CCND3: variants seen among roughly 807,000 people sequenced by gnomAD.
CCND3 encodes the protein cyclin D3.
In CCND3, 9 loss-of-function variants were observed where a neutral mutation model predicts 28.7. That is an observed-to-expected ratio of 0.31 (90% confidence interval 0.19 to 0.55). The LOEUF is 0.55. Ranked by LOEUF, CCND3 falls within the 20% of genes least tolerant of loss-of-function variation. The pLI, the probability that CCND3 is intolerant of heterozygous loss-of-function variation, is 0.93. For missense variants in CCND3, 315 were observed against 385.8 expected (o/e 0.82, Z 1.54); for synonymous variants, 164 against 163.9 (o/e 1.00, Z 0.00).
Position 41,941,614 on chromosome 6 carries a change from C to G in CCND3, c.36G>C (p.Ala12=), listed in dbSNP as rs1776027515. ...GCCGCGGGTCCGGCCCGGCCCGGGG[C>G]GCGTGCCGGGTGCCTTCGCAACACA... ...ELLCCEGTRH[A]PRAGPDPRLL... The change falls in exon 1 of 5, where the codon GCG becomes GCC. Residue 12 remains alanine (A), a synonymous_variant. Transcript: ENST00000372991. This position sits in a 1 kb window ranked among gnomAD's most constrained non-coding sequence, Gnocchi z 6.1. 2 of 1,521,104 alleles carry G rather than the reference C, an allele frequency of 1.3e-6. No homozygotes were observed. The highest frequency in any genetic ancestry group is 1.8e-6 in the Non-Finnish European group (2 of 1,131,960). 94.2% of individuals were successfully genotyped at this position (1,521,104 alleles called of 1,614,324 possible). A position where few individuals can be genotyped will look rare whatever the true frequency, so the allele number is the denominator to read the frequency against.
At chr6:41,961,079 T>A (rs530813588) in intron 1 of CCND3, among the ~76,000 whole-genome samples, 1 of 152,328 alleles carries the variant, frequency 6.6e-6, no homozygotes, top group African/African-American at 2.4e-5. Flanking sequence ...CCCTCGTTTC[T>A]GAGCAAACAA....
intron 1 of CCND3, among the ~76,000 whole-genome samples, chr6:41,952,142 T>C (rs572670314): frequency 1.2e-4 from 19 of 152,286 alleles, no homozygotes; most frequent in South Asian, 4.1e-4. Context: ...AGAGGTGCTA[T>C]TATTCTCCTT....
chr6:41,996,396 C>G (rs139551958), intron 1 of CCND3, among the ~76,000 whole-genome samples: 2 of 151,620 alleles, frequency 1.3e-5, no homozygotes, highest in African/African-American at 4.8e-5. Flanking sequence ...GTGATCCGCT[C>G]GCCTCGGCCT....
chr6:41,951,316 G>A (rs1187104660), intron 1 of CCND3, among the ~76,000 whole-genome samples: 3 of 151,716 alleles, frequency 2.0e-5, no homozygotes, highest in Non-Finnish European at 4.4e-5. Context: ...AGCACTTTGG[G>A]AGGCCAAGGT....
chr6:42,048,145 G>T lies in CCND3; in HGVS notation c.-46+356C>A. 1 of 181,818 alleles carries T rather than the reference G, an allele frequency of 5.5e-6. No homozygotes were observed. 11.3% of individuals were successfully genotyped at this position (181,818 alleles called of 1,614,324 possible). ...GTTTCATCCCGGTGCACTTGCCAGA[G>T]CACTCACAGACTCCCCATCCACACT... is the stretch of plus-strand genomic sequence containing the variant. On this transcript the variant is annotated intron_variant, in intron 1 of 4. Coordinates refer to the CCND3 transcript ENST00000372988. This position sits in a 1 kb window ranked among gnomAD's most constrained non-coding sequence, Gnocchi z 4.7.
At chr6:41,950,470 C>G (rs1340925198) in intron 1 of CCND3, among the ~76,000 whole-genome samples, 1 of 152,114 alleles carries the variant, frequency 6.6e-6, no homozygotes. Context: ...ACTTTTCCGT[C>G]CCAGCCTTCT....
intron 1 of CCND3, among the ~76,000 whole-genome samples, chr6:42,032,721 C>T (rs1463061590): frequency 1.3e-5 from 2 of 152,200 alleles, no homozygotes; most frequent in Non-Finnish European, 2.9e-5. Flanking sequence ...AGTTCCGTTT[C>T]CCCTATTGTA....
At chr6:41,987,501 C>CTGTG (rs1762515464) in intron 1 of CCND3, among the ~76,000 whole-genome samples, 12 of 84,706 alleles carry the variant, frequency 1.4e-4, no homozygotes, top group Middle Eastern at 5.0e-3. Context: ...CTCTCTCTCT[C>CTGTG]TCTCTCTCTC....
chr6:41,966,352 C>G lies in CCND3; in HGVS notation c.-45-25767G>C, dbSNP rs76261232. Among the ~76,000 whole-genome samples the G allele has an allele frequency of 1.1e-3, 173 of 151,886 alleles. No individual in the cohort carries two copies. In the East Asian group the frequency reaches 0.029, roughly 26 times the overall value. On this transcript the variant is annotated intron_variant, in intron 1 of 4. Coordinates refer to the CCND3 transcript ENST00000372988. ...GGAGGATCCCTGGAGCCCAGGAGGT[C>G]GAGGCTGCAATGAGCCATAATTGCC...
At chr6:42,025,979 G>A (rs1032655368) in intron 1 of CCND3, among the ~76,000 whole-genome samples, 3 of 152,146 alleles carry the variant, frequency 2.0e-5, no homozygotes, top group Non-Finnish European at 4.4e-5. Flanking sequence ...AAGGCTGCCT[G>A]TCAGCCTCTA....
At chr6:41,953,196 C>T (rs1306545297) in intron 1 of CCND3, among the ~76,000 whole-genome samples, 1 of 150,480 alleles carries the variant, frequency 6.6e-6, no homozygotes, top group African/African-American at 2.4e-5. Context: ...ACCCAGGAGG[C>T]GGAGGTTGCA....
At chr6:41,948,845 C>CAA (rs112279157) in intron 1 of CCND3, among the ~76,000 whole-genome samples, 4 of 95,448 alleles carry the variant, frequency 4.2e-5, no homozygotes, top group South Asian at 3.1e-4. Flanking sequence ...GACTCCATCT[C>CAA]AAAAAAAAAA....
chr6:42,030,781 C>T (rs1764019938), intron 1 of CCND3, among the ~76,000 whole-genome samples: 1 of 152,160 alleles, frequency 6.6e-6, no homozygotes, highest in South Asian at 2.1e-4. Flanking sequence ...GTCCTGAGTA[C>T]TCACTCCTTC....
intron 1 of CCND3, among the ~76,000 whole-genome samples, chr6:42,019,488 CAAA>C (rs57466823): frequency 4.7e-5 from 4 of 84,806 alleles, no homozygotes; most frequent in Admixed American, 2.6e-4. Context: ...GACTCTGTCT[CAAA>C]AAAAAAAAAA....
chr6:41,940,372 G>T lies in CCND3; in HGVS notation c.412C>A (p.Arg138=). ...GGTGGGGGGAGTTACACACGCACCC[G>T]CAACTGGCGGGGAGAGACAGCGTGG... is the stretch of plus-strand genomic sequence containing the variant. ...TDHAVSPRQL[R]DWEVLVLGKL... Residue 138 remains arginine, a splice_region_variant and synonymous_variant, in exon 2 of 5, where the codon CGG becomes AGG. Transcript: ENST00000372991. 1 of 1,613,330 alleles carries T rather than the reference G, an allele frequency of 6.2e-7. No homozygotes were observed. The highest frequency in any genetic ancestry group is 1.1e-5 in the South Asian group (1 of 91,076).
At chr6:41,975,425 C>CA (rs1391781143) in intron 1 of CCND3, among the ~76,000 whole-genome samples, 1 of 152,104 alleles carries the variant, frequency 6.6e-6, no homozygotes, top group Non-Finnish European at 1.5e-5. Context: ...TATAAGCTGG[C>CA]AATACATCCA....
At chr6:41,987,084 G>A (rs1276189278) in intron 1 of CCND3, among the ~76,000 whole-genome samples, 3 of 151,986 alleles carry the variant, frequency 2.0e-5, no homozygotes, top group Non-Finnish European at 2.9e-5. Flanking sequence ...TCAATATCCT[G>A]TAAACCAGCT....
At chr6:41,954,504 A>T (rs1776393449) in intron 1 of CCND3, among the ~76,000 whole-genome samples, 1 of 151,566 alleles carries the variant, frequency 6.6e-6, no homozygotes, top group African/African-American at 2.4e-5. Flanking sequence ...TGAGCGGAGA[A>T]TAGCGCCATT....
intron 1 of CCND3, among the ~76,000 whole-genome samples, chr6:41,954,399 A>C (rs1203582558): frequency 6.6e-6 from 1 of 151,166 alleles, no homozygotes; most frequent in African/African-American, 2.4e-5. Context: ...AAAATACAAA[A>C]ATTTAGCCGG....
Sources: gnomAD v4.1 joint callset for allele counts (sites outside exome capture counted in the v4.1 genomes callset) on GRCh38, gnomAD v4.1.1 for gene constraint, Gnocchi (gnomAD v3.1) non-coding constraint, MANE v1.5 for transcripts, NCBI Gene and HGNC (gene_info 2026-07-23, HGNC 2026-07-21) for gene names.